The following TTF2 variants were observed in gnomAD, a reference collection of about 807,000 sequenced individuals.
TTF2 encodes transcription termination factor 2.
TTF2 carries 108 observed loss-of-function variants against 142.4 expected under a neutral mutation model. The ratio of observed to expected loss-of-function variants is 0.76; its 90% CI spans 0.65 to 0.89. The LOEUF (loss-of-function observed/expected upper bound fraction) is 0.89. Among genes scored for constraint, TTF2 ranks in the 40% least tolerant of loss-of-function variants. The pLI, the probability that TTF2 is intolerant of heterozygous loss-of-function variation, is 0.00. For synonymous variants in TTF2, 483 were observed against 506.2 expected, an observed-to-expected ratio of 0.95 and a Z score of 0.61; for missense variants, 1,327 against 1,379.8, an observed-to-expected ratio of 0.96 and a Z score of 0.61.
At chr1:117,095,496 C>T (rs754239090) in intron 19 of TTF2, 129 bp downstream of exon 19, 14 of 763,182 alleles carry the variant, frequency 1.8e-5, no homozygotes, top group Non-Finnish European at 3.0e-5. Context: ...AGCACACATT[C>T]CCTGTGATTT....
intron 16 of TTF2, 81 bp downstream of exon 16, chr1:117,091,491 T>A: frequency 7.1e-7 from 1 of 1,401,226 alleles, no homozygotes; most frequent in African/African-American, 1.4e-5. Flanking sequence ...AATGTGAGGT[T>A]ATGAATCCTT....
chr1:117,061,873 C>T (rs1655710150), intron 2 of TTF2, among the ~76,000 whole-genome samples: 1 of 152,200 alleles, frequency 6.6e-6, no homozygotes, highest in South Asian at 2.1e-4. Context: ...TAAACCTTCA[C>T]TCAAACCTGT....
In TTF2 at chr1:117,071,483, A is replaced by G. The variant is rs561723107; in HGVS notation, c.219-2178A>G. Among the ~76,000 whole-genome samples the G allele has an allele frequency of 8.5e-5, 13 of 152,348 alleles. No individual in the cohort carries two copies. The East Asian group carries it at 1.9e-3, about 23-fold the overall frequency. On this transcript the variant is annotated intron_variant, in intron 3 of 22. Coordinates refer to ENST00000369466, the MANE Select transcript of TTF2 (RefSeq NM_003594.4). ...AGAATGTATATTGACTTGAATATGCATTTAAAAATCTCTGGAAAGGTAAAC... is the reference window on the plus strand; with the variant it reads ...AGAATGTATATTGACTTGAATATGCGTTTAAAAATCTCTGGAAAGGTAAAC...
intron 2 of TTF2, 25 bp from the exon 3 acceptor site, chr1:117,062,362 T>A (rs1284297922): frequency 6.2e-7 from 1 of 1,606,092 alleles, no homozygotes; most frequent in Non-Finnish European, 8.5e-7. Context: ...CCTAAAAATG[T>A]TTTCAACTTT....
At chr1:117,066,363 G>T (rs1656128892) in intron 3 of TTF2, among the ~76,000 whole-genome samples, 1 of 152,158 alleles carries the variant, frequency 6.6e-6, no homozygotes, top group African/African-American at 2.4e-5. Context: ...AGCAGCAGTG[G>T]AATTGGGTCC....
Position 117,104,379 on chromosome 1 carries a change from C to T in TTF2, c.*2855C>T, listed in dbSNP as rs1649802616. ...TGTCAACTAGAAGGTATTAGATGAA[C>T]ATTGTCAGTCTCCAATCAAGCATTG... On this transcript the variant is annotated 3_prime_UTR_variant, in exon 23 of 23. Transcript: ENST00000369466. The T allele has an allele frequency of 6.6e-6, 1 of 152,180 alleles. No homozygotes were observed. Among genetic ancestry groups the T allele is most frequent in the Admixed American group, 6.5e-5 (1 of 15,272 alleles). The allele number at this position is 152,180 out of a possible 1,614,324, so 9.4% of individuals were successfully genotyped here. A position where few individuals can be genotyped will look rare whatever the true frequency, so the allele number is the denominator to read the frequency against.
In TTF2 at chr1:117,076,768, A is replaced by G. The variant is rs1393248600; in HGVS notation, c.1518A>G (p.Leu506=). ...PRRGTQPVGS[L]ELKSACQVTA... Reference sequence around the variant, plus strand: ...GTGGTACCCAACCTGTGGGTTCTCTAGAACTAAAGTCTGCCTGCCAGGTGA... The same window carrying G: ...GTGGTACCCAACCTGTGGGTTCTCTGGAACTAAAGTCTGCCTGCCAGGTGA... Residue 506 remains leucine, a synonymous_variant, in exon 7 of 23, where the codon CTA becomes CTG. Coordinates refer to ENST00000369466, the MANE Select transcript of TTF2 (RefSeq NM_003594.4). This position sits in a 1 kb window ranked among gnomAD's most constrained non-coding sequence, Gnocchi z 4.6. 2 of 1,614,126 alleles carry G rather than the reference A, an allele frequency of 1.2e-6. No individual in the cohort carries two copies. Among genetic ancestry groups the G allele is most frequent in the East Asian group, 4.5e-5 (2 of 44,878 alleles).
chr1:117,095,458 C>A, intron 19 of TTF2, 91 bp downstream of exon 19: 2 of 1,203,540 alleles, frequency 1.7e-6, no homozygotes, highest in South Asian at 1.2e-5. Flanking sequence ...GACTGTGAGT[C>A]ATGCTCAGCA....
In TTF2 at chr1:117,070,344, A is replaced by G. The variant is rs1656477310; in HGVS notation, c.219-3317A>G. Among the ~76,000 whole-genome samples the G allele has an allele frequency of 6.6e-6, 1 of 152,270 alleles. No homozygotes were observed. Among genetic ancestry groups the G allele is most frequent in the South Asian group, 2.1e-4 (1 of 4,836 alleles). ...AAACCTACTTGGTATAGCCTAATAC[A>G]TACCTAGGTTACAGAACTGTACAGT... On this transcript the variant is annotated intron_variant, in intron 3 of 22. Transcript: ENST00000369466. This position sits in a 1 kb window ranked among gnomAD's most constrained non-coding sequence, Gnocchi z 4.2.
At position 117,098,879 on chromosome 1, in the gene TTF2, G is replaced by C; in HGVS notation, c.3316G>C (p.Gly1106Arg). Reference sequence around the variant, plus strand: ...AGCTTGTGACCGAATTTACCGAGTAGGGCAGCAGAAAGATGTTGTCATACA... The same window carrying C: ...AGCTTGTGACCGAATTTACCGAGTACGGCAGCAGAAAGATGTTGTCATACA... ...DQACDRIYRV[G>R]QQKDVVIHRF... Residue 1106 changes from glycine (G) to arginine (R), a missense_variant, in exon 22 of 23, where the codon GGG (glycine) becomes CGG (arginine). Coordinates refer to ENST00000369466, the MANE Select transcript of TTF2 (RefSeq NM_003594.4). The C allele has an allele frequency of 6.2e-7, 1 of 1,612,536 alleles. No homozygotes were observed. The highest frequency in any genetic ancestry group is 8.5e-7 in the Non-Finnish European group (1 of 1,179,506).
rs748352140 is a variant in TTF2 at position 117,074,985 on chromosome 1, A to G, written c.401A>G (p.Glu134Gly). The G allele has an allele frequency of 1.2e-6, 2 of 1,614,104 alleles. No individual in the cohort carries two copies. Among genetic ancestry groups the G allele is most frequent in the Admixed American group, 3.3e-5 (2 of 60,000 alleles). ...TTCAAGGTACTTGACAAGAATCAAG[A>G]ACCAGCTCTCTGGAAACAGCTCATC... Reference protein sequence around the residue: ...NPFKVLDKNQEPALWKQLIKG... With the variant: ...NPFKVLDKNQGPALWKQLIKG... The change falls in exon 5 of 23, where the codon GAA becomes GGA. Residue 134 changes from glutamate (E) to glycine (G), a missense_variant. By Grantham distance (98) the Glu-to-Gly change is moderately conservative. Transcript: ENST00000369466.
chr1:117,089,260 C>CTATCTATATATATATATATATATA (rs1648343599), intron 13 of TTF2, among the ~76,000 whole-genome samples: 1 of 137,468 alleles, frequency 7.3e-6, no homozygotes, highest in African/African-American at 2.7e-5. Context: ...CAAATATATG[C>CTATCTATATATATATATATATATA]TATATATATA....
At position 117,075,047 on chromosome 1, in the gene TTF2, C is replaced by T; in HGVS notation, c.463C>T (p.Gln155Ter). The change falls in exon 5 of 23, where the codon CAA becomes TAA. Residue 155 changes from glutamine to a stop codon, truncating the protein, a stop_gained. Transcript: ENST00000369466. LOFTEE classifies it high-confidence loss of function. This position sits in a 1 kb window ranked among gnomAD's most constrained non-coding sequence, Gnocchi z 4.5. ...EGEEKKADKK[Q>*]REKGDQLFDQ... ...TGAGGAAAAGAAGGCTGATAAGAAG[C>T]AAAGAGAAAAGGGAGATCAGCTTTT... The T allele has an allele frequency of 6.2e-7, 1 of 1,613,746 alleles. No individual in the cohort carries two copies. Among genetic ancestry groups the T allele is most frequent in the Non-Finnish European group, 8.5e-7 (1 of 1,179,926 alleles).
intron 13 of TTF2, 105 bp from the exon 14 acceptor site, chr1:117,089,950 T>C: frequency 6.0e-6 from 8 of 1,327,852 alleles, no homozygotes; most frequent in Non-Finnish European, 6.2e-6. Flanking sequence ...ATGACAGGTG[T>C]AACAGAAAAT....
intron 17 of TTF2, 22 bp downstream of exon 17, chr1:117,091,972 C>T (rs1199894074): frequency 4.4e-6 from 7 of 1,608,670 alleles, no homozygotes; most frequent in Middle Eastern, 1.8e-4. Context: ...CCTCAGCCTG[C>T]TGTCATATAG....
At chr1:117,060,619 C>T (rs1443084145) in intron 2 of TTF2, 62 bp downstream of exon 2, 4 of 1,493,186 alleles carry the variant, frequency 2.7e-6, no homozygotes, top group Non-Finnish European at 9.0e-7. Context: ...AGGAGCTTCC[C>T]GCTCCCCGCT....
chr1:117,060,574 G>T lies in TTF2; in HGVS notation c.131+17G>T. The T allele has an allele frequency of 1.3e-6, 2 of 1,586,050 alleles. No individual in the cohort carries two copies. The highest frequency in any genetic ancestry group is 1.7e-6 in the Non-Finnish European group (2 of 1,165,620). On this transcript the variant is annotated intron_variant, in intron 2 of 22. Coordinates refer to ENST00000369466, the MANE Select transcript of TTF2 (RefSeq NM_003594.4). The stretch of plus-strand genomic sequence containing the variant: ...GGCCACCGAGTAGGTCTGGAGCTGG[G>T]CCCCACTCCCTGTGGCTGCCCGGGG...
intron 11 of TTF2, 126 bp downstream of exon 11, chr1:117,084,294 CT>C: frequency 8.2e-7 from 1 of 1,220,376 alleles, no homozygotes; most frequent in Non-Finnish European, 1.1e-6. Context: ...AAAGACAGAT[CT>C]TTAGTCTCGT....
At chr1:117,094,857 C>T (rs963193942) in intron 18 of TTF2, 7 of 343,184 alleles carry the variant, frequency 2.0e-5, no homozygotes, top group Admixed American at 4.4e-5. Flanking sequence ...GGGCACCTAA[C>T]CTGTACTTTG....
Sources: gnomAD v4.1 joint callset for allele counts (sites outside exome capture counted in the v4.1 genomes callset) on GRCh38, gnomAD v4.1.1 for gene constraint, Gnocchi (gnomAD v3.1) non-coding constraint, MANE v1.5 for transcripts, NCBI Gene and HGNC (gene_info 2026-07-23, HGNC 2026-07-21) for gene names.